NLRC5: variants seen among roughly 807,000 people sequenced by gnomAD.
The protein encoded by NLRC5 is protein NLRC5.
A neutral mutation model predicts 206.9 loss-of-function variants in NLRC5; 114 were observed. The ratio of observed to expected loss-of-function variants is 0.55; its 90% CI spans 0.47 to 0.64. NLRC5 has a LOEUF of 0.64. Ranked by LOEUF, NLRC5 falls within the 30% of genes least tolerant of loss-of-function variation. The probability of loss-of-function intolerance (pLI) is 0.00; values close to 1 mark genes in which losing one functional copy is unlikely to be tolerated. For missense variants in NLRC5, 2,008 were observed against 2,305.5 expected, an observed-to-expected ratio of 0.87 and a Z score of 2.64; for synonymous variants, 952 against 962.8, an observed-to-expected ratio of 0.99 and a Z score of 0.21.
Position 57,077,887 on chromosome 16 carries a change from C to T in NLRC5, c.5004-56C>T, listed in dbSNP as rs569493481. The T allele has an allele frequency of 5.5e-5, 89 of 1,605,490 alleles. 1 individual carries two copies. The highest frequency in any genetic ancestry group is 3.9e-4 in the Admixed American group (23 of 59,580). On this transcript the variant is annotated intron_variant, in intron 42 of 48. Transcript: ENST00000688547. ...CTCCCGCAGTGGGCACAGGGCAGGG[C>T]GGGGGTCCCGAGTGGGCAGGCCCAG...
At chr16:57,071,133 G>A (rs1219680546) in intron 38 of NLRC5, among the ~76,000 whole-genome samples, 1 of 148,818 alleles carries the variant, frequency 6.7e-6, no homozygotes, top group East Asian at 2.0e-4. Context: ...GGTGGGGTTG[G>A]TTAATGGGGA....
At chr16:57,041,958 C>T (rs1269488231) in intron 18 of NLRC5, 24 bp from the exon 19 acceptor site, 1 of 1,529,442 alleles carries the variant, frequency 6.5e-7, no homozygotes, top group Non-Finnish European at 8.8e-7. Context: ...CTAATGTTCT[C>T]CCCTCCCTTC....
At chr16:57,041,924 T>G in intron 18 of NLRC5, 58 bp from the exon 19 acceptor site, 2 of 1,193,964 alleles carry the variant, frequency 1.7e-6, no homozygotes, top group South Asian at 1.5e-5. Context: ...GGGACCATGC[T>G]GCCAGCAACC....
In NLRC5 at chr16:57,026,975, T is replaced by C; in HGVS notation, c.2032T>C (p.Cys678Arg). Reference sequence around the variant, plus strand: ...TGATGGCTGTCCCCTGGAGCCCCACTGCCCTGAGGCTCTGGTAGGCTGTGG... The same window carrying C: ...TGATGGCTGTCCCCTGGAGCCCCACCGCCCTGAGGCTCTGGTAGGCTGTGG... ...DFDGCPLEPH[C>R]PEALVGCGQI... Residue 678 changes from cysteine (C) to arginine (R), a missense_variant, in exon 6 of 49, where the codon TGC becomes CGC. Coordinates refer to ENST00000688547, the MANE Select transcript of NLRC5 (RefSeq NM_001384950.1). 1 of 1,614,130 alleles carries C rather than the reference T, an allele frequency of 6.2e-7. No homozygotes were observed. Among genetic ancestry groups the C allele is most frequent in the Non-Finnish European group, 8.5e-7 (1 of 1,180,004 alleles).
chr16:57,029,129 A>C (rs1320159684), intron 8 of NLRC5, among the ~76,000 whole-genome samples: 1 of 152,230 alleles, frequency 6.6e-6, no homozygotes, highest in African/African-American at 2.4e-5. Flanking sequence ...TCGGCTGGGC[A>C]TCTGTGAACC....
At chr16:57,060,212 C>T (rs1180376435) in intron 30 of NLRC5, among the ~76,000 whole-genome samples, 1 of 151,850 alleles carries the variant, frequency 6.6e-6, no homozygotes, top group Admixed American at 6.6e-5. Flanking sequence ...GGGATCTTCA[C>T]AACACACATC....
Position 57,082,541 on chromosome 16 carries a change from GACCTT to G in NLRC5, c.*14_*18del, listed in dbSNP as rs2069283027. 6.3e-7 allele frequency: 1 copy of G among 1,586,076 alleles called. No individual in the cohort carries two copies. Among genetic ancestry groups the G allele is most frequent in the Non-Finnish European group, 8.6e-7 (1 of 1,156,440 alleles). On this transcript the variant is annotated 3_prime_UTR_variant, in exon 49 of 49. Transcript: ENST00000688547. Reference sequence around the variant, plus strand: ...TTGGGGTACTTGATGGCCCCCTCAAGACCTTTGGAATCCAGCCAAGTGATGCACCC... The same window carrying G: ...TTGGGGTACTTGATGGCCCCCTCAAGTGGAATCCAGCCAAGTGATGCACCC...
At chr16:57,043,923 A>C in intron 20 of NLRC5, 1 of 364,898 alleles carries the variant, frequency 2.7e-6, no homozygotes, top group Non-Finnish European at 5.1e-6. Flanking sequence ...ATTATACTTT[A>C]AGTTCTAGGG....
chr16:57,037,567 C>T (rs1290935380), intron 15 of NLRC5, among the ~76,000 whole-genome samples: 1 of 152,136 alleles, frequency 6.6e-6, no homozygotes, highest in Non-Finnish European at 1.5e-5. Context: ...ATGACAGAGG[C>T]AGAGGGCACA....
intron 3 of NLRC5, 26 bp from the exon 4 acceptor site, chr16:57,022,230 A>G: frequency 6.2e-7 from 1 of 1,603,638 alleles, no homozygotes; most frequent in Non-Finnish European, 8.5e-7. Flanking sequence ...GCCCCATACC[A>G]CATTATACTC....
intron 27 of NLRC5, among the ~76,000 whole-genome samples, chr16:57,056,644 G>A (rs1432629294): frequency 3.3e-5 from 5 of 151,248 alleles, no homozygotes; most frequent in African/African-American, 1.2e-4. Flanking sequence ...TCATTATAGA[G>A]GGAAATTTTT....
At chr16:57,081,408 A>G in intron 47 of NLRC5, 119 bp from the exon 48 acceptor site, 1 of 1,018,098 alleles carries the variant, frequency 9.8e-7, no homozygotes, top group Non-Finnish European at 1.5e-6. Flanking sequence ...GTTCCCTGAG[A>G]AGGTAGTGTG....
intron 15 of NLRC5, among the ~76,000 whole-genome samples, chr16:57,037,505 A>T (rs1453079384): frequency 6.6e-6 from 1 of 152,136 alleles, no homozygotes; most frequent in South Asian, 2.1e-4. Flanking sequence ...GATAAGAACC[A>T]GAGACGCCTG....
chr16:57,034,353 T>C (rs2062252828), intron 13 of NLRC5, 102 bp downstream of exon 13: 9 of 807,736 alleles, frequency 1.1e-5, no homozygotes, highest in Non-Finnish European at 6.1e-6. Flanking sequence ...AGGGGCATGC[T>C]GCCTCATGAA....
Position 57,079,545 on chromosome 16 carries a change from G to A in NLRC5, c.5238-1G>A. The A allele has an allele frequency of 6.2e-7, 1 of 1,613,976 alleles. No homozygotes were observed. The highest frequency in any genetic ancestry group is 8.5e-7 in the Non-Finnish European group (1 of 1,179,884). The stretch of plus-strand genomic sequence containing the variant: ...CATCCCATGCCCTTCTCCATCCCCA[G>A]CCTGGTTTCCTGTAAGATTGACAAC... On this transcript the variant is annotated splice_acceptor_variant, in intron 45 of 48. Coordinates refer to ENST00000688547, the MANE Select transcript of NLRC5 (RefSeq NM_001384950.1). LOFTEE classifies it high-confidence loss of function.
At chr16:57,068,585 C>A (rs59431780) in intron 36 of NLRC5, among the ~76,000 whole-genome samples, 3,307 of 152,218 alleles carry the variant, frequency 0.022, 123 homozygotes, top group African/African-American at 0.075. Context: ...AATCATGTCC[C>A]TTTACCCGTT....
intron 1 of NLRC5, among the ~76,000 whole-genome samples, chr16:57,001,808 G>T (rs1404366723): frequency 6.6e-6 from 1 of 152,116 alleles, no homozygotes; most frequent in African/African-American, 2.4e-5. Flanking sequence ...ACTGACTATA[G>T]TTACCCTCTT....
intron 2 of NLRC5, among the ~76,000 whole-genome samples, chr16:57,019,658 A>G (rs553387955): frequency 2.6e-5 from 4 of 152,344 alleles, no homozygotes; most frequent in African/African-American, 9.6e-5. Flanking sequence ...AGATCCAGCC[A>G]TCCCATCAAC....
chr16:57,000,615 C>T (rs566031173), intron 1 of NLRC5, among the ~76,000 whole-genome samples: 29 of 152,284 alleles, frequency 1.9e-4, no homozygotes, highest in African/African-American at 6.3e-4. Context: ...CACTGTGAGC[C>T]TCAATTTCCT....
Sources: allele counts gnomAD v4.1 joint callset (sites outside exome capture counted in the v4.1 genomes callset), GRCh38; gene constraint gnomAD v4.1.1; transcripts MANE v1.5; gene names NCBI Gene and HGNC (gene_info 2026-07-23, HGNC 2026-07-21).